Variants in LMNTD1 observed in about 807,000 individuals in gnomAD.
The protein encoded by LMNTD1 is lamin tail domain-containing protein 1.
In LMNTD1, 35 loss-of-function variants were observed where a neutral mutation model predicts 50.9. That is an observed-to-expected ratio of 0.69 (90% CI 0.53 to 0.91). The LOEUF (loss-of-function observed/expected upper bound fraction) is 0.91. Among genes scored for constraint, LMNTD1 ranks in the 40% least tolerant of loss-of-function variants. The pLI, the probability that LMNTD1 is intolerant of heterozygous loss-of-function variation, is 0.00. For synonymous variants in LMNTD1, 153 were observed against 161.9 expected (o/e 0.94, Z 0.42); for missense variants, 470 against 475.5 (o/e 0.99, Z 0.11).
intron 9 of LMNTD1, among the ~76,000 whole-genome samples, chr12:25,490,118 T>G (rs1000370554): frequency 9.2e-5 from 14 of 152,346 alleles, no homozygotes; most frequent in African/African-American, 3.4e-4. Flanking sequence ...GTGTAATGTA[T>G]TCTTCTGTAA....
At chr12:25,526,069 A>T in intron 6 of LMNTD1, 30 bp downstream of exon 6, 1 of 1,536,096 alleles carries the variant, frequency 6.5e-7, no homozygotes, top group Non-Finnish European at 8.7e-7. Context: ...TTTAAAAAAA[A>T]AAAACGATTG....
At chr12:25,485,001 G>A (rs1426245337) in intron 9 of LMNTD1, among the ~76,000 whole-genome samples, 2 of 151,982 alleles carry the variant, frequency 1.3e-5, no homozygotes, top group Non-Finnish European at 2.9e-5. Context: ...ATGATTTATA[G>A]TCCTTTGGGT....
intron 4 of LMNTD1, among the ~76,000 whole-genome samples, chr12:25,543,247 A>G (rs1038316085): frequency 1.3e-5 from 2 of 152,066 alleles, no homozygotes; most frequent in Non-Finnish European, 2.9e-5. Context: ...TAAAGGAGAG[A>G]CTATATCCCA....
intron 9 of LMNTD1, among the ~76,000 whole-genome samples, chr12:25,478,837 G>T (rs999441513): frequency 6.6e-6 from 1 of 151,650 alleles, no homozygotes; most frequent in African/African-American, 2.4e-5. Context: ...TACCCCTTCT[G>T]TATTCCCTTT....
At chr12:25,634,874 T>A (rs908178497) in intron 1 of LMNTD1, among the ~76,000 whole-genome samples, 3 of 152,186 alleles carry the variant, frequency 2.0e-5, no homozygotes, top group African/African-American at 7.2e-5. Context: ...AAGCTGTCAC[T>A]GTTTGCTGAC....
intron 1 of LMNTD1, among the ~76,000 whole-genome samples, chr12:25,607,528 A>G (rs1946141537): frequency 6.6e-6 from 1 of 152,062 alleles, no homozygotes; most frequent in African/African-American, 2.4e-5. Context: ...ATTCTGGTTC[A>G]TTGTGTCCTT....
intron 8 of LMNTD1, 31 bp downstream of exon 8, chr12:25,518,764 C>G: frequency 1.9e-6 from 3 of 1,607,790 alleles, no homozygotes; most frequent in South Asian, 2.2e-5. Flanking sequence ...CACACGCACT[C>G]TCCACTGGAA....
chr12:25,511,502 A>G (rs1940294248), intron 8 of LMNTD1, among the ~76,000 whole-genome samples: 1 of 152,210 alleles, frequency 6.6e-6, no homozygotes, highest in Non-Finnish European at 1.5e-5. Flanking sequence ...ACTAGAGATT[A>G]TAAGTAATTA....
intron 1 of LMNTD1, among the ~76,000 whole-genome samples, chr12:25,622,351 A>G (rs1946487790): frequency 6.6e-6 from 1 of 152,106 alleles, no homozygotes; most frequent in Non-Finnish European, 1.5e-5. Context: ...AGTGTAAAAC[A>G]ACAAAACAAT....
At chr12:25,647,699 A>G (rs1195602016) in intron 1 of LMNTD1, among the ~76,000 whole-genome samples, 2 of 152,256 alleles carry the variant, frequency 1.3e-5, no homozygotes, top group Non-Finnish European at 2.9e-5. Flanking sequence ...TTACTAATTC[A>G]TCATCTTCTG....
chr12:25,637,528 T>A (rs1946860969), intron 1 of LMNTD1, among the ~76,000 whole-genome samples: 1 of 151,972 alleles, frequency 6.6e-6, no homozygotes, highest in Admixed American at 6.6e-5. Flanking sequence ...GAAGAATCAG[T>A]AAACCTGAAG....
At chr12:25,639,279 T>C (rs10842591) in intron 1 of LMNTD1, among the ~76,000 whole-genome samples, 73,911 of 151,988 alleles carry the variant, frequency 0.49, 20,431 homozygotes, top group Non-Finnish European at 0.63. Flanking sequence ...GATATGACAC[T>C]AAATGTACAA....
intron 8 of LMNTD1, 41 bp downstream of exon 8, chr12:25,518,754 C>T: frequency 6.4e-7 from 1 of 1,562,450 alleles, no homozygotes; most frequent in Non-Finnish European, 8.8e-7. Flanking sequence ...TGCATGCACA[C>T]ACACGCACTC....
intron 4 of LMNTD1, among the ~76,000 whole-genome samples, chr12:25,540,908 C>G (rs1451392102): frequency 1.5e-5 from 2 of 135,100 alleles, no homozygotes; most frequent in African/African-American, 5.3e-5. Context: ...GTGCAAAAAT[C>G]ACAAGCATTC....
chr12:25,561,659 G>C lies in LMNTD1; in HGVS notation c.59-15105C>G, dbSNP rs909221209. Among the ~76,000 whole-genome samples the C allele has an allele frequency of 2.1e-4, 32 of 152,136 alleles. 1 individual carries two copies. The highest frequency in any genetic ancestry group is 4.4e-5 in the Non-Finnish European group (3 of 68,014). On this transcript the variant is annotated intron_variant, in intron 1 of 7. Transcript: ENST00000445693. ...AGTTCTGTAGATGTCTATTAGGTCT[G>C]CTTGGTGCAGAGCTGAGTTCAGGTC...
chr12:25,631,197 C>G (rs1335499911), intron 1 of LMNTD1, among the ~76,000 whole-genome samples: 2 of 152,144 alleles, frequency 1.3e-5, no homozygotes, highest in Non-Finnish European at 2.9e-5. Flanking sequence ...ACCTGATGGT[C>G]TTTCCCTACC....
chr12:25,538,802 C>T lies in LMNTD1; in HGVS notation c.491+7572G>A, dbSNP rs903469168. ...GCAAATTGGATAAAGAGTCAAGACCCATCAGTGTGCTGTATTCAGGAAACC... is the reference window on the plus strand; with the variant it reads ...GCAAATTGGATAAAGAGTCAAGACCTATCAGTGTGCTGTATTCAGGAAACC... On this transcript the variant is annotated intron_variant, in intron 4 of 9. Coordinates refer to ENST00000458174, the MANE Select transcript of LMNTD1 (RefSeq NM_001145728.2). 1.2e-4 allele frequency among the ~76,000 whole-genome samples: 13 copies of T among 110,106 alleles called. 1 individual carries two copies. The highest frequency in any genetic ancestry group is 7.7e-3 in the Middle Eastern group (2 of 260). 72.2% of individuals were successfully genotyped at this position (110,106 alleles called of 152,430 possible).
intron 1 of LMNTD1, among the ~76,000 whole-genome samples, chr12:25,558,353 G>A (rs1174087504): frequency 6.6e-6 from 1 of 152,092 alleles, no homozygotes; most frequent in Non-Finnish European, 1.5e-5. Context: ...TTCTTCAGAT[G>A]CATCATCAGA....
At chr12:25,634,374 C>A (rs991688257) in intron 1 of LMNTD1, among the ~76,000 whole-genome samples, 1 of 152,120 alleles carries the variant, frequency 6.6e-6, no homozygotes, top group Admixed American at 6.5e-5. Context: ...CAGGAAAGGA[C>A]ATAACCAAAA....
Sources: allele counts gnomAD v4.1 joint callset (sites outside exome capture counted in the v4.1 genomes callset), GRCh38; gene constraint gnomAD v4.1.1; transcripts MANE v1.5; gene names NCBI Gene and HGNC (gene_info 2026-07-23, HGNC 2026-07-21).